The following GULP1 variants were observed in gnomAD, a reference collection of about 807,000 sequenced individuals.
The protein encoded by GULP1 is PTB domain-containing engulfment adapter protein 1.
In GULP1, 19 loss-of-function variants were observed where a neutral mutation model predicts 40.9. The observed-to-expected ratio is 0.46, with a 90% CI of 0.32 to 0.68. The LOEUF (loss-of-function observed/expected upper bound fraction) is 0.68. Ranked by LOEUF, GULP1 falls within the 30% of genes least tolerant of loss-of-function variation. The probability of loss-of-function intolerance (pLI) is 0.03; values close to 1 mark genes in which losing one functional copy is unlikely to be tolerated. For missense variants in GULP1, 312 were observed against 362.2 expected (o/e 0.86, Z 1.12); for synonymous variants, 119 against 117.6 (o/e 1.01, Z -0.08).
intron 1 of GULP1, among the ~76,000 whole-genome samples, chr2:188,361,509 C>T (rs748089748): frequency 5.3e-5 from 8 of 151,828 alleles, no homozygotes; most frequent in Admixed American, 1.3e-4. Flanking sequence ...GATTTTTATG[C>T]GTGGAAATGA....
At chr2:188,302,028 A>G (rs1028558310) in intron 1 of GULP1, among the ~76,000 whole-genome samples, 1 of 152,222 alleles carries the variant, frequency 6.6e-6, no homozygotes, top group Non-Finnish European at 1.5e-5. Context: ...TTAAAATAGT[A>G]TCCTAATTAT....
intron 2 of GULP1, among the ~76,000 whole-genome samples, chr2:188,420,840 T>A (rs904721386): frequency 2.0e-5 from 3 of 152,144 alleles, no homozygotes; most frequent in African/African-American, 7.2e-5. Context: ...CTTACTCCAG[T>A]CTGTGGATTG....
chr2:188,502,800 G>A (rs1169859473), intron 4 of GULP1, among the ~76,000 whole-genome samples: 1 of 151,934 alleles, frequency 6.6e-6, no homozygotes, highest in African/African-American at 2.4e-5. Flanking sequence ...GATTGGGTAA[G>A]TTATAAAGAA....
At chr2:188,462,854 A>G (rs1300930297) in intron 2 of GULP1, among the ~76,000 whole-genome samples, 1 of 152,132 alleles carries the variant, frequency 6.6e-6, no homozygotes, top group Non-Finnish European at 1.5e-5. Flanking sequence ...GCTGATAACA[A>G]CTTAACATCA....
intron 1 of GULP1, among the ~76,000 whole-genome samples, chr2:188,382,621 A>G (rs2049139690): frequency 6.6e-6 from 1 of 152,080 alleles, no homozygotes; most frequent in East Asian, 1.9e-4. Context: ...GGTAGCTCAC[A>G]CCTGTAATCC....
chr2:188,473,666 C>G (rs2060777179), intron 2 of GULP1, among the ~76,000 whole-genome samples: 1 of 152,166 alleles, frequency 6.6e-6, no homozygotes, highest in Non-Finnish European at 1.5e-5. Flanking sequence ...ACTCACCCTT[C>G]TGGGCAGTGG....
intron 7 of GULP1, among the ~76,000 whole-genome samples, chr2:188,556,978 CG>C (rs933600180): frequency 3.4e-4 from 51 of 151,414 alleles, no homozygotes; most frequent in African/African-American, 1.2e-3. Flanking sequence ...GAGCCTAGAT[CG>C]TGCCACTGCA....
chr2:188,502,335 CT>C (rs1335436846), intron 4 of GULP1, among the ~76,000 whole-genome samples: 1 of 151,866 alleles, frequency 6.6e-6, no homozygotes, highest in Admixed American at 6.6e-5. Context: ...CACTTATTGT[CT>C]AACTTATCAG....
At chr2:188,373,140 T>C (rs1408381330) in intron 1 of GULP1, among the ~76,000 whole-genome samples, 1 of 151,886 alleles carries the variant, frequency 6.6e-6, no homozygotes, top group African/African-American at 2.4e-5. Flanking sequence ...CATAGTTTAC[T>C]GAATTCTGTT....
chr2:188,427,945 G>A (rs1036544683), intron 2 of GULP1, among the ~76,000 whole-genome samples: 3 of 152,354 alleles, frequency 2.0e-5, no homozygotes, highest in Non-Finnish European at 4.4e-5. Context: ...CAGCCCTTGA[G>A]AGTAGCCATG....
intron 2 of GULP1, among the ~76,000 whole-genome samples, chr2:188,397,690 C>T (rs575304479): frequency 6.6e-6 from 1 of 152,314 alleles, no homozygotes; most frequent in Admixed American, 6.5e-5. Context: ...GTACCTCTGG[C>T]TCTAGATCTC....
intron 1 of GULP1, among the ~76,000 whole-genome samples, chr2:188,316,666 A>G (rs2039130198): frequency 6.6e-6 from 1 of 152,160 alleles, no homozygotes; most frequent in Non-Finnish European, 1.5e-5. Flanking sequence ...CTCCATATTT[A>G]AAATCACAAC....
At chr2:188,421,452 C>T (rs968375154) in intron 2 of GULP1, among the ~76,000 whole-genome samples, 6 of 151,904 alleles carry the variant, frequency 3.9e-5, no homozygotes, top group East Asian at 3.9e-4. Flanking sequence ...TCTTTTAAAG[C>T]GGTTTTTACT....
chr2:188,506,372 A>G (rs551589434), intron 4 of GULP1, among the ~76,000 whole-genome samples: 30 of 152,000 alleles, frequency 2.0e-4, no homozygotes, highest in Non-Finnish European at 3.2e-4. Context: ...AAAGCCAGAA[A>G]CTAATTGATT....
chr2:188,317,759 A>C (rs1279209942), intron 1 of GULP1, among the ~76,000 whole-genome samples: 8 of 151,584 alleles, frequency 5.3e-5, no homozygotes, highest in African/African-American at 1.9e-4. Flanking sequence ...TATTATAAAC[A>C]TGTATTTTAA....
chr2:188,534,451 C>G (rs1688394593), intron 6 of GULP1, among the ~76,000 whole-genome samples: 1 of 151,972 alleles, frequency 6.6e-6, no homozygotes, highest in South Asian at 2.1e-4. Context: ...TACTCATGGA[C>G]ATAATGATGC....
chr2:188,445,234 A>G (rs1282693717), intron 2 of GULP1, among the ~76,000 whole-genome samples: 2 of 152,136 alleles, frequency 1.3e-5, no homozygotes, highest in Admixed American at 1.3e-4. Flanking sequence ...TCTGTCTTGC[A>G]ATCTATCTAG....
chr2:188,577,226 A>G (rs772138541), intron 9 of GULP1, among the ~76,000 whole-genome samples: 23 of 152,228 alleles, frequency 1.5e-4, no homozygotes, highest in Middle Eastern at 3.4e-3. Flanking sequence ...TTATTTCTTT[A>G]CATAATCAAC....
intron 2 of GULP1, among the ~76,000 whole-genome samples, chr2:188,468,911 G>A (rs1280550936): frequency 1.3e-5 from 2 of 152,254 alleles, no homozygotes; most frequent in East Asian, 3.9e-4. Context: ...GAAGTGTTTT[G>A]TTTTGTTTTA....
Sources: allele counts gnomAD v4.1 joint callset (sites outside exome capture counted in the v4.1 genomes callset), GRCh38; gene constraint gnomAD v4.1.1; transcripts MANE v1.5; gene names NCBI Gene and HGNC (gene_info 2026-07-23, HGNC 2026-07-21).